LAMA4: variants seen among roughly 807,000 people sequenced by gnomAD.
The protein encoded by LAMA4 is laminin subunit alpha-4.
In LAMA4, 127 loss-of-function variants were observed where a neutral mutation model predicts 207.1. The ratio of observed to expected loss-of-function variants is 0.61; its 90% CI spans 0.53 to 0.71. LAMA4 has a LOEUF of 0.71. LAMA4 is among the 30% of genes least tolerant of loss of function. The pLI, the probability that LAMA4 is intolerant of heterozygous loss-of-function variation, is 0.00. For missense variants in LAMA4, 2,093 were observed against 2,246.5 expected (o/e 0.93, Z 1.38); for synonymous variants, 761 against 816.0 (o/e 0.93, Z 1.15).
chr6:112,248,478 GAC>G (rs1787171686), intron 2 of LAMA4, among the ~76,000 whole-genome samples: 1 of 136,390 alleles, frequency 7.3e-6, no homozygotes, highest in Non-Finnish European at 1.5e-5. Flanking sequence ...CAGCCTGGGT[GAC>G]AGAGGGAGAC....
intron 5 of LAMA4, among the ~76,000 whole-genome samples, chr6:112,194,861 C>T (rs946322247): frequency 2.0e-5 from 3 of 152,104 alleles, no homozygotes; most frequent in African/African-American, 7.2e-5. Context: ...TCCGTAATCT[C>T]ATTTCTAGTC....
chr6:112,112,136 A>C (rs755490263), intron 38 of LAMA4, among the ~76,000 whole-genome samples: 17 of 152,168 alleles, frequency 1.1e-4, no homozygotes, highest in Non-Finnish European at 2.1e-4. Flanking sequence ...TAAGTGCTAC[A>C]ACAGCAGTAT....
chr6:112,238,543 C>T (rs1295964022), intron 2 of LAMA4, among the ~76,000 whole-genome samples: 1 of 151,880 alleles, frequency 6.6e-6, no homozygotes, highest in Non-Finnish European at 1.5e-5. Context: ...AACCCTGTCT[C>T]TCCTAAAAAT....
At chr6:112,120,570 T>A in intron 32 of LAMA4, 98 bp from the exon 33 acceptor site, 2 of 912,132 alleles carry the variant, frequency 2.2e-6, no homozygotes, top group Non-Finnish European at 3.5e-6. Flanking sequence ...AATAAACAAG[T>A]AGCCATTCTA....
intron 30 of LAMA4, among the ~76,000 whole-genome samples, chr6:112,129,365 C>T (rs539039410): frequency 2.1e-4 from 32 of 152,096 alleles, no homozygotes; most frequent in Non-Finnish European, 4.3e-4. Context: ...GTTTCTTAAT[C>T]TATATTAAAT....
chr6:112,138,925 G>C (rs1434420485), intron 24 of LAMA4, among the ~76,000 whole-genome samples, 195 bp downstream of exon 24: 2 of 152,070 alleles, frequency 1.3e-5, no homozygotes, highest in Non-Finnish European at 2.9e-5. Flanking sequence ...ATGTACTGTG[G>C]GGAAATGCAT....
At chr6:112,158,706 T>C (rs367920408) in intron 14 of LAMA4, 26 bp downstream of exon 14, 3 of 1,596,494 alleles carry the variant, frequency 1.9e-6, no homozygotes, top group Non-Finnish European at 2.6e-6. Flanking sequence ...ATGTAGATAT[T>C]TGCATTTCTA....
intron 36 of LAMA4, among the ~76,000 whole-genome samples, chr6:112,115,054 A>C (rs1227109923): frequency 6.6e-6 from 1 of 152,206 alleles, no homozygotes; most frequent in Non-Finnish European, 1.5e-5. Flanking sequence ...AGCAGGTTGA[A>C]GTATTGGTGA....
intron 18 of LAMA4, 102 bp from the exon 19 acceptor site, chr6:112,145,035 A>G (rs1779937459): frequency 1.8e-6 from 2 of 1,136,530 alleles, no homozygotes; most frequent in Non-Finnish European, 2.5e-6. Context: ...TAGAACTAAG[A>G]GAAATGATTT....
At chr6:112,236,168 T>A (rs1785905865) in intron 2 of LAMA4, 1 of 152,186 alleles carries the variant, frequency 6.6e-6, no homozygotes, top group African/African-American at 2.4e-5. Flanking sequence ...GTGTGGGAAC[T>A]TGGGGAAGTG....
intron 12 of LAMA4, among the ~76,000 whole-genome samples, chr6:112,168,345 CTTTTTTTT>C (rs34395210): frequency 7.7e-6 from 1 of 129,322 alleles, no homozygotes; most frequent in South Asian, 2.6e-4. Context: ...AGCTAGTGTT[CTTTTTTTT>C]TTTTTTTTTG....
Position 112,115,621 on chromosome 6 carries a change from G to C in LAMA4, c.5112+242C>G, listed in dbSNP as rs1389047889. Among the ~76,000 whole-genome samples, 8 of 151,982 alleles carry C rather than the reference G, an allele frequency of 5.3e-5. 1 individual carries two copies. Among genetic ancestry groups the C allele is most frequent in the Admixed American group, 4.6e-4 (7 of 15,260 alleles). ...CTCATTCTTCTCTTAAAACTGTGTT[G>C]TTATTAGTGATTTTTTTGATAGTTT... On this transcript the variant is annotated intron_variant, in intron 36 of 38. Coordinates refer to ENST00000230538, the MANE Select transcript of LAMA4 (RefSeq NM_001105206.3).
Position 112,178,177 on chromosome 6 carries a change from A to G in LAMA4, c.1133T>C (p.Ile378Thr), listed in dbSNP as rs782805784. Residue 378 changes from isoleucine to threonine, a missense_variant, in exon 10 of 39, where the codon ATT becomes ACT. Around this residue, in one of 3 missense-constraint regions of LAMA4, gnomAD observed 1,704 missense variants for 1,788.4 expected, o/e 0.95. Transcript: ENST00000230538. ...CTCTACCAGCTGACTTGCGTGGTTA[A>G]TGGTGTCCATGCTTTCCTTCTGAAC... ...QLVQKESMDTINHASQLVEQA... is the reference protein window; with the variant it reads ...QLVQKESMDTTNHASQLVEQA... 2.5e-6 allele frequency: 4 copies of G among 1,613,976 alleles called. No individual in the cohort carries two copies. In the South Asian group the frequency reaches 4.4e-5, roughly 18 times the overall value.
At chr6:112,134,176 T>C (rs1448575445) in intron 26 of LAMA4, among the ~76,000 whole-genome samples, 2 of 152,216 alleles carry the variant, frequency 1.3e-5, no homozygotes, top group African/African-American at 4.8e-5. Flanking sequence ...CTTCACACAA[T>C]ACACATGTTC....
chr6:112,243,005 C>T (rs1786629544), intron 2 of LAMA4, among the ~76,000 whole-genome samples: 1 of 152,144 alleles, frequency 6.6e-6, no homozygotes, highest in Admixed American at 6.5e-5. Context: ...GTCTCCAGTC[C>T]CTGATCTCTT....
intron 24 of LAMA4, among the ~76,000 whole-genome samples, chr6:112,137,669 T>A (rs1213388421): frequency 6.6e-6 from 1 of 152,218 alleles, no homozygotes; most frequent in Non-Finnish European, 1.5e-5. Flanking sequence ...ACCGAAATAA[T>A]AGAATATTTA....
rs138681719 is a variant in LAMA4 at position 112,249,907 on chromosome 6, T to C, written c.195+4049A>G. On this transcript the variant is annotated intron_variant, in intron 2 of 38. Transcript: ENST00000230538. ...TAATACTTTTTTCACATTACCTCCA[T>C]GGCACTTACCTTGTAGCCACTCTTA... 2.2e-3 allele frequency among the ~76,000 whole-genome samples: 334 copies of C among 152,350 alleles called. 3 individuals carry two copies. The highest frequency in any genetic ancestry group is 7.9e-3 in the African/African-American group (327 of 41,576).
chr6:112,229,550 A>G (rs1785425122), intron 2 of LAMA4, among the ~76,000 whole-genome samples: 1 of 152,232 alleles, frequency 6.6e-6, no homozygotes, highest in Non-Finnish European at 1.5e-5. Context: ...TAGTGGTGAC[A>G]ACAAAATTTC....
At chr6:112,198,373 T>C (rs986951250) in intron 5 of LAMA4, among the ~76,000 whole-genome samples, 1 of 152,176 alleles carries the variant, frequency 6.6e-6, no homozygotes, top group African/African-American at 2.4e-5. Context: ...TCCATACAAA[T>C]CAGTTGCATA....
Sources: gnomAD v4.1 joint callset for allele counts (sites outside exome capture counted in the v4.1 genomes callset) on GRCh38, gnomAD v4.1.1 for gene constraint, gnomAD v4.1.1 regional missense constraint, MANE v1.5 for transcripts, NCBI Gene and HGNC (gene_info 2026-07-23, HGNC 2026-07-21) for gene names.